KCNIP4: variants seen among roughly 807,000 people sequenced by gnomAD.
KCNIP4 encodes the protein potassium voltage-gated channel interacting protein 4.
A neutral mutation model predicts 34.0 loss-of-function variants in KCNIP4; 12 were observed. The ratio of observed to expected loss-of-function variants is 0.35; its 90% CI spans 0.23 to 0.57. The LOEUF (loss-of-function observed/expected upper bound fraction) is 0.57, where lower values mean the gene tolerates loss of function less well. Ranked by LOEUF, KCNIP4 falls within the 20% of genes least tolerant of loss-of-function variation. The pLI is 0.83. For synonymous variants in KCNIP4, 124 were observed against 102.2 expected (o/e 1.21, Z -1.29); for missense variants, 238 against 311.7 (o/e 0.76, Z 1.78).
rs1183206455 is a variant in KCNIP4, at chr4:21,234,293, TATATATAAC to T, written c.62-351593_62-351585del. ...AACATATATTATATATAACATATATTATATATAACATATATAACATATATATAACATATA... is the reference window on the plus strand; with the variant it reads ...AACATATATTATATATAACATATATTATATATAACATATATATAACATATA... On this transcript the variant is annotated intron_variant, in intron 1 of 8. Transcript: ENST00000382152. 3.5e-5 allele frequency among the ~76,000 whole-genome samples: 3 copies of T among 84,706 alleles called. 1 individual carries two copies. Among genetic ancestry groups the T allele is most frequent in the African/African-American group, 1.5e-4 (2 of 13,098 alleles). The allele number at this position is 84,706 out of a possible 152,430, so 55.6% of individuals were successfully genotyped here.
At position 21,680,070 on chromosome 4, in the gene KCNIP4, C is replaced by G. The variant is rs181418746; in HGVS notation, c.61+268501G>C. On this transcript the variant is annotated intron_variant, in intron 1 of 8. Coordinates refer to ENST00000382152, the MANE Select transcript of KCNIP4 (RefSeq NM_025221.6). Reference sequence around the variant, plus strand: ...TTCATCAAGGACTTAACTGAAGCATCTGATGCTGTTTGATAACATTTTACC... The same window carrying G: ...TTCATCAAGGACTTAACTGAAGCATGTGATGCTGTTTGATAACATTTTACC... 4.1e-4 allele frequency among the ~76,000 whole-genome samples: 62 copies of G among 152,344 alleles called. 1 individual carries two copies. The highest frequency in any genetic ancestry group is 6.8e-4 in the Non-Finnish European group (46 of 68,038).
At chr4:21,200,805 A>AT (rs898735824) in intron 1 of KCNIP4, among the ~76,000 whole-genome samples, 79 of 151,100 alleles carry the variant, frequency 5.2e-4, no homozygotes, top group South Asian at 8.3e-4. Context: ...AAAAATAAAA[A>AT]TTTTTTTTTT....
intron 1 of KCNIP4, among the ~76,000 whole-genome samples, chr4:20,928,546 T>C (rs561914599): frequency 6.6e-6 from 1 of 151,792 alleles, no homozygotes; most frequent in East Asian, 1.9e-4. Flanking sequence ...TAGCCTAACA[T>C]TATGCCTCAA....
chr4:21,082,823 A>G (rs1381965226), intron 1 of KCNIP4, among the ~76,000 whole-genome samples: 1 of 151,802 alleles, frequency 6.6e-6, no homozygotes, highest in African/African-American at 2.4e-5. Flanking sequence ...GAAAATGACT[A>G]TGTGGTGCTC....
intron 1 of KCNIP4, among the ~76,000 whole-genome samples, chr4:21,462,511 G>A (rs1294729717): frequency 6.6e-6 from 1 of 152,084 alleles, no homozygotes; most frequent in South Asian, 2.1e-4. Flanking sequence ...CACAACACAC[G>A]GGAATTCAAG....
chr4:21,172,930 G>A (rs1471253904), intron 1 of KCNIP4, among the ~76,000 whole-genome samples: 6 of 152,128 alleles, frequency 3.9e-5, no homozygotes, highest in Admixed American at 1.3e-4. Context: ...GATGATTCTT[G>A]GTCAAGTTCA....
chr4:21,766,620 CA>C (rs1241857459), intron 1 of KCNIP4, among the ~76,000 whole-genome samples: 1 of 152,226 alleles, frequency 6.6e-6, no homozygotes, highest in East Asian at 1.9e-4. Flanking sequence ...CTTATGAAAA[CA>C]ATTTCCTTTT....
chr4:20,930,981 A>G (rs35316625), intron 1 of KCNIP4, among the ~76,000 whole-genome samples: 20,502 of 152,006 alleles, frequency 0.13, 1,949 homozygotes, highest in African/African-American at 0.28. Context: ...AAAATAGACC[A>G]GCAATGACCC....
intron 1 of KCNIP4, among the ~76,000 whole-genome samples, chr4:21,147,041 C>G (rs930503494): frequency 6.6e-6 from 1 of 152,142 alleles, no homozygotes; most frequent in Non-Finnish European, 1.5e-5. Flanking sequence ...ACACTTTGCT[C>G]TCCGTCCTGG....
chr4:21,194,759 TG>T (rs1461938091), intron 1 of KCNIP4, among the ~76,000 whole-genome samples: 1 of 152,092 alleles, frequency 6.6e-6, no homozygotes, highest in Non-Finnish European at 1.5e-5. Flanking sequence ...TTAAAGATGG[TG>T]GAACATCAGT....
intron 1 of KCNIP4, among the ~76,000 whole-genome samples, chr4:21,140,162 A>C (rs1395257018): frequency 6.6e-6 from 1 of 152,130 alleles, no homozygotes; most frequent in Non-Finnish European, 1.5e-5. Flanking sequence ...CAGCTACAGT[A>C]TAGATTGCCG....
At chr4:21,777,879 T>G (rs74768829) in intron 1 of KCNIP4, among the ~76,000 whole-genome samples, 3 of 152,192 alleles carry the variant, frequency 2.0e-5, no homozygotes, top group African/African-American at 4.8e-5. Context: ...AGAGTTGAAG[T>G]TTTACTTTAA....
intron 1 of KCNIP4, among the ~76,000 whole-genome samples, chr4:20,901,637 G>A (rs1004787001): frequency 9.9e-5 from 15 of 152,262 alleles, no homozygotes; most frequent in East Asian, 5.8e-4. Context: ...TAATGGCATT[G>A]GTGATACATA....
At chr4:21,212,809 C>G (rs1399197817) in intron 1 of KCNIP4, among the ~76,000 whole-genome samples, 1 of 152,160 alleles carries the variant, frequency 6.6e-6, no homozygotes, top group African/African-American at 2.4e-5. Context: ...ACTCTTAATA[C>G]CATTACAGTG....
At chr4:20,734,908 C>A (rs1270197881) in intron 5 of KCNIP4, among the ~76,000 whole-genome samples, 173 bp from the exon 6 acceptor site, 5 of 152,038 alleles carry the variant, frequency 3.3e-5, no homozygotes, top group African/African-American at 1.2e-4. Flanking sequence ...TAAATCACTC[C>A]TTAGTCTTAA....
chr4:21,442,475 C>T (rs2109710391), intron 1 of KCNIP4, among the ~76,000 whole-genome samples: 1 of 152,334 alleles, frequency 6.6e-6, no homozygotes, highest in Admixed American at 6.5e-5. Flanking sequence ...TCAGAAACCA[C>T]TGTTAGCTAG....
chr4:21,820,962 A>G (rs1319925925), intron 1 of KCNIP4, among the ~76,000 whole-genome samples: 1 of 152,116 alleles, frequency 6.6e-6, no homozygotes, highest in Non-Finnish European at 1.5e-5. Flanking sequence ...GATAACTATC[A>G]GGCATATTCA....
rs146224584 is a variant in KCNIP4, at chr4:21,199,991, T to G, written c.62-317282A>C. ...TCACTCATAGGTGGGAATTGAACAA[T>G]GAGAACACCTGGACACAGGAAGGGG... On this transcript the variant is annotated intron_variant, in intron 1 of 8. Transcript: ENST00000382152. Among the ~76,000 whole-genome samples the G allele has an allele frequency of 6.1e-3, 920 of 151,284 alleles. 8 individuals are homozygous for G. The highest frequency in any genetic ancestry group is 0.021 in the African/African-American group (858 of 41,144).
In KCNIP4 at chr4:21,785,461, G is replaced by A. The variant is rs570620966; in HGVS notation, c.61+163110C>T. ...CAAAAAATTAGCCAGGTGTGGTGGC[G>A]CATGTCTGTAATCCCAGTTACTTGG... On this transcript the variant is annotated intron_variant, in intron 1 of 8. Transcript: ENST00000382152. 1.8e-4 allele frequency among the ~76,000 whole-genome samples: 27 copies of A among 151,988 alleles called. No homozygotes were observed. In the South Asian group the frequency reaches 2.3e-3, roughly 13 times the overall value.
Sources: allele counts gnomAD v4.1 joint callset (sites outside exome capture counted in the v4.1 genomes callset), GRCh38; gene constraint gnomAD v4.1.1; transcripts MANE v1.5; gene names NCBI Gene and HGNC (gene_info 2026-07-23, HGNC 2026-07-21).